POU6F2: variants seen among roughly 807,000 people sequenced by gnomAD.
POU6F2 encodes the protein POU class 6 homeobox 2.
In POU6F2, 31 loss-of-function variants were observed where a neutral mutation model predicts 71.3. The observed-to-expected ratio is 0.43, with a 90% CI of 0.33 to 0.59. POU6F2 has a LOEUF of 0.59. Among genes scored for constraint, POU6F2 ranks in the 20% least tolerant of loss-of-function variants. The probability of loss-of-function intolerance (pLI) is 0.04; values close to 1 mark genes in which losing one functional copy is unlikely to be tolerated. For missense variants in POU6F2, 783 were observed against 856.8 expected, an observed-to-expected ratio of 0.91 and a Z score of 1.07; for synonymous variants, 347 against 355.7, an observed-to-expected ratio of 0.98 and a Z score of 0.27.
chr7:39,398,947 G>T (rs905132518), intron 5 of POU6F2, among the ~76,000 whole-genome samples: 4 of 152,186 alleles, frequency 2.6e-5, no homozygotes, highest in African/African-American at 9.7e-5. Context: ...ACACAGAGAT[G>T]TGCAGCTAAC....
rs188295359 is a variant in POU6F2 at position 39,452,016 on chromosome 7, G to A, written c.1489+315G>A. 1.6e-4 allele frequency among the ~76,000 whole-genome samples: 24 copies of A among 152,340 alleles called. No individual in the cohort carries two copies. In the East Asian group the frequency reaches 3.9e-3, roughly 24 times the overall value. ...GAAGGTAGCAACTGATCAGCTTTCA[G>A]GGCATGAGCCACATAGCTCACAACT... On this transcript the variant is annotated intron_variant, in intron 8 of 9. Coordinates refer to ENST00000518318, the MANE Select transcript of POU6F2 (RefSeq NM_001370959.1).
At chr7:39,028,411 T>G (rs752085537) in intron 1 of POU6F2, among the ~76,000 whole-genome samples, 3 of 152,278 alleles carry the variant, frequency 2.0e-5, no homozygotes, top group Middle Eastern at 3.4e-3. Context: ...TTAAAAGACA[T>G]ACTCTTTTAT....
At chr7:39,182,609 G>A (rs1793455023) in intron 2 of POU6F2, among the ~76,000 whole-genome samples, 1 of 152,114 alleles carries the variant, frequency 6.6e-6, no homozygotes, top group Admixed American at 6.6e-5. Flanking sequence ...CAAAATCTGT[G>A]TACTGTTAAC....
At chr7:39,054,350 C>T (rs902819466) in intron 1 of POU6F2, among the ~76,000 whole-genome samples, 1 of 151,922 alleles carries the variant, frequency 6.6e-6, no homozygotes, top group Non-Finnish European at 1.5e-5. Context: ...TCATGGGCAG[C>T]GTAATTGCTC....
chr7:39,045,693 G>A (rs1355340208), intron 1 of POU6F2, among the ~76,000 whole-genome samples: 2 of 151,750 alleles, frequency 1.3e-5, no homozygotes, highest in African/African-American at 4.8e-5. Flanking sequence ...ATTCCAAAAT[G>A]TTTCCTTATT....
Position 39,066,886 on chromosome 7 carries a change from A to G in POU6F2, c.106-18974A>G, listed in dbSNP as rs181715620. On this transcript the variant is annotated intron_variant, in intron 1 of 9. Coordinates refer to ENST00000518318, the MANE Select transcript of POU6F2 (RefSeq NM_001370959.1). ...ATGTAGCATATTATGCATTATATAT[A>G]GTGTATTATATAATATATAATATCA... Among the ~76,000 whole-genome samples the G allele has an allele frequency of 7.1e-3, 1,045 of 148,050 alleles. 10 individuals carry two copies. Among genetic ancestry groups the G allele is most frequent in the African/African-American group, 0.025 (1,009 of 40,912 alleles).
At chr7:39,379,718 G>A (rs1486541854) in intron 5 of POU6F2, among the ~76,000 whole-genome samples, 1 of 151,892 alleles carries the variant, frequency 6.6e-6, no homozygotes, top group Non-Finnish European at 1.5e-5. Context: ...CAAATCCAGG[G>A]CTGGTTTCTC....
At chr7:39,192,999 C>T (rs1355508537) in intron 2 of POU6F2, among the ~76,000 whole-genome samples, 2 of 152,058 alleles carry the variant, frequency 1.3e-5, no homozygotes, top group Non-Finnish European at 1.5e-5. Flanking sequence ...TGCACTTTAC[C>T]GTGGGCATTG....
At chr7:39,242,067 G>C (rs191586458) in intron 4 of POU6F2, among the ~76,000 whole-genome samples, 3 of 152,222 alleles carry the variant, frequency 2.0e-5, no homozygotes, top group Admixed American at 1.3e-4. Context: ...TGTGAGTAAG[G>C]TTTCACTGTG....
intron 1 of POU6F2, chr7:39,006,776 G>C: frequency 6.9e-7 from 1 of 1,439,122 alleles, no homozygotes; most frequent in Non-Finnish European, 9.8e-7. Context: ...CTCTTGGGTT[G>C]TGTTACCCTG....
chr7:39,198,763 A>G (rs1284826483), intron 2 of POU6F2, among the ~76,000 whole-genome samples: 1 of 152,206 alleles, frequency 6.6e-6, no homozygotes, highest in Non-Finnish European at 1.5e-5. Flanking sequence ...ACTGGCAATA[A>G]AAAGTGGCAA....
At chr7:39,160,510 C>G (rs1792972804) in intron 2 of POU6F2, among the ~76,000 whole-genome samples, 1 of 152,166 alleles carries the variant, frequency 6.6e-6, no homozygotes, top group African/African-American at 2.4e-5. Flanking sequence ...CAGCTATCAA[C>G]AAGAGAGGGC....
intron 5 of POU6F2, among the ~76,000 whole-genome samples, chr7:39,340,590 C>G (rs1314042995): frequency 6.6e-6 from 1 of 152,174 alleles, no homozygotes; most frequent in Non-Finnish European, 1.5e-5. Context: ...ACTCTAAATT[C>G]ATGCCAAGAG....
chr7:39,022,362 A>C (rs1013812844), intron 1 of POU6F2, among the ~76,000 whole-genome samples: 10 of 151,966 alleles, frequency 6.6e-5, no homozygotes, highest in African/African-American at 1.9e-4. Context: ...TTTTATCTGT[A>C]GGTGTTATTA....
chr7:39,362,331 A>T (rs990745310), intron 5 of POU6F2, among the ~76,000 whole-genome samples: 9 of 151,386 alleles, frequency 5.9e-5, no homozygotes, highest in African/African-American at 2.2e-4. Context: ...TTATTCTAGC[A>T]CATATAAGGA....
At chr7:39,339,487 C>T (rs1785860935) in intron 4 of POU6F2, among the ~76,000 whole-genome samples, 155 bp from the exon 5 acceptor site, 1 of 152,192 alleles carries the variant, frequency 6.6e-6, no homozygotes, top group Non-Finnish European at 1.5e-5. Context: ...TCTCCCAGTG[C>T]CTCACAACAC....
chr7:39,100,003 C>G lies in POU6F2; in HGVS notation c.277+13972C>G, dbSNP rs554814169. ...TTTGCTCTGGAAGCAAGGGATTTGA[C>G]TAGATTGTGGGTCTTCTCTGTCCCA... On this transcript the variant is annotated intron_variant, in intron 2 of 9. Coordinates refer to ENST00000518318, the MANE Select transcript of POU6F2 (RefSeq NM_001370959.1). 2.0e-5 allele frequency among the ~76,000 whole-genome samples: 3 copies of G among 152,322 alleles called. No homozygotes were observed. The South Asian group carries it at 6.2e-4, about 32-fold the overall frequency.
At chr7:39,252,722 T>A (rs541851406) in intron 4 of POU6F2, among the ~76,000 whole-genome samples, 1 of 152,270 alleles carries the variant, frequency 6.6e-6, no homozygotes, top group South Asian at 2.1e-4. Context: ...CTTGGAATGC[T>A]TTTCCCTCAG....
At chr7:39,330,571 T>C (rs1408892284) in intron 4 of POU6F2, among the ~76,000 whole-genome samples, 1 of 152,222 alleles carries the variant, frequency 6.6e-6, no homozygotes, top group African/African-American at 2.4e-5. Context: ...GCCAAAAAAA[T>C]ACGCAGTGAT....
Sources: gnomAD v4.1 joint callset for allele counts (sites outside exome capture counted in the v4.1 genomes callset) on GRCh38, gnomAD v4.1.1 for gene constraint, MANE v1.5 for transcripts, NCBI Gene and HGNC (gene_info 2026-07-23, HGNC 2026-07-21) for gene names.